Variants in LRMDA observed in about 807,000 individuals in gnomAD.
The protein encoded by LRMDA is leucine rich melanocyte differentiation associated.
In LRMDA, 18 loss-of-function variants were observed where a neutral mutation model predicts 29.8. The observed-to-expected ratio is 0.60, with a 90% CI of 0.42 to 0.90. LRMDA has a LOEUF of 0.90. Ranked by LOEUF, LRMDA falls within the 40% of genes least tolerant of loss-of-function variation. The pLI is 0.00. For synonymous variants in LRMDA, 125 were observed against 109.4 expected, an observed-to-expected ratio of 1.14 and a Z score of -0.89; for missense variants, 273 against 273.9, an observed-to-expected ratio of 1.00 and a Z score of 0.02.
intron 5 of LRMDA, among the ~76,000 whole-genome samples, chr10:76,063,284 GA>G (rs1256727230): frequency 6.6e-6 from 1 of 152,188 alleles, no homozygotes; most frequent in Non-Finnish European, 1.5e-5. Context: ...TGTCTTTGAA[GA>G]CATGTCACTT....
chr10:76,142,345 CTT>C (rs1214642522), intron 5 of LRMDA, among the ~76,000 whole-genome samples: 5 of 151,988 alleles, frequency 3.3e-5, no homozygotes, highest in Admixed American at 2.0e-4. Flanking sequence ...TAGATAATAA[CTT>C]ATGTTTTTCT....
intron 5 of LRMDA, among the ~76,000 whole-genome samples, chr10:76,061,678 G>T (rs1848703051): frequency 6.6e-6 from 1 of 152,168 alleles, no homozygotes; most frequent in South Asian, 2.1e-4. Flanking sequence ...ATGGATGAGG[G>T]AGCTGGGAGA....
chr10:75,838,205 G>A (rs1406717115), intron 2 of LRMDA, among the ~76,000 whole-genome samples: 2 of 152,062 alleles, frequency 1.3e-5, no homozygotes, highest in Admixed American at 6.6e-5. Flanking sequence ...TGGCTTTATC[G>A]AATATATAAT....
chr10:76,212,263 A>ACT (rs1476319015), intron 5 of LRMDA, among the ~76,000 whole-genome samples: 12 of 146,678 alleles, frequency 8.2e-5, no homozygotes, highest in African/African-American at 3.2e-4. Flanking sequence ...ACACACACAC[A>ACT]CACATAAAAA....
Position 76,449,117 on chromosome 10 carries a change from T to C in LRMDA, c.602-108092T>C, listed in dbSNP as rs369904049. 6.6e-5 allele frequency among the ~76,000 whole-genome samples: 10 copies of C among 151,884 alleles called. No individual in the cohort carries two copies. The East Asian group carries it at 1.7e-3, about 26-fold the overall frequency. ...GACAAATTTTAAAATGCCTCAGGGG[T>C]ATTTGAAAAGAACTTACATTTTCTT... On this transcript the variant is annotated intron_variant, in intron 6 of 6. Transcript: ENST00000611255.
At chr10:75,932,329 G>C (rs1186179115) in intron 2 of LRMDA, among the ~76,000 whole-genome samples, 6 of 152,166 alleles carry the variant, frequency 3.9e-5, no homozygotes, top group Admixed American at 3.3e-4. Context: ...GTATAATAGA[G>C]GGGATGGCTG....
At chr10:76,456,234 G>A (rs758244767) in intron 6 of LRMDA, among the ~76,000 whole-genome samples, 4 of 152,128 alleles carry the variant, frequency 2.6e-5, no homozygotes, top group Non-Finnish European at 5.9e-5. Flanking sequence ...TGTTGAGATG[G>A]TTTTCCCACT....
At chr10:75,462,890 G>A (rs1187010099) in intron 2 of LRMDA, among the ~76,000 whole-genome samples, 1 of 152,008 alleles carries the variant, frequency 6.6e-6, no homozygotes, top group Non-Finnish European at 1.5e-5. Flanking sequence ...TTTCTTTTTC[G>A]GTTATATTCC....
At chr10:76,106,853 C>T (rs1391089912) in intron 5 of LRMDA, among the ~76,000 whole-genome samples, 1 of 152,200 alleles carries the variant, frequency 6.6e-6, no homozygotes, top group African/African-American at 2.4e-5. Flanking sequence ...AGAAATACAT[C>T]ATCTCCCAGT....
chr10:75,782,297 G>A (rs1467268719), intron 2 of LRMDA, among the ~76,000 whole-genome samples: 1 of 151,910 alleles, frequency 6.6e-6, no homozygotes, highest in Non-Finnish European at 1.5e-5. Context: ...GTGTGTGGGG[G>A]TGTGTGTGTG....
At chr10:75,809,973 G>C (rs1843929013) in intron 2 of LRMDA, among the ~76,000 whole-genome samples, 1 of 152,206 alleles carries the variant, frequency 6.6e-6, no homozygotes, top group Non-Finnish European at 1.5e-5. Context: ...TCTGTGCAGG[G>C]GGCCTTGTGT....
intron 5 of LRMDA, among the ~76,000 whole-genome samples, chr10:76,285,433 TAA>T (rs10552977): frequency 0.46 from 67,888 of 149,020 alleles, 15,285 homozygotes; most frequent in South Asian, 0.59. Flanking sequence ...TGCTAAATAT[TAA>T]AAAAAAAAAA....
intron 2 of LRMDA, among the ~76,000 whole-genome samples, chr10:75,707,820 C>T (rs919396235): frequency 1.1e-4 from 16 of 152,272 alleles, no homozygotes; most frequent in Non-Finnish European, 1.8e-4. Flanking sequence ...TGGTATTTTT[C>T]CCTGTTAGAG....
At chr10:76,027,618 C>A (rs1215585902) in intron 2 of LRMDA, among the ~76,000 whole-genome samples, 1 of 152,114 alleles carries the variant, frequency 6.6e-6, no homozygotes, top group African/African-American at 2.4e-5. Flanking sequence ...ATATTAACAG[C>A]AGTTTATAAA....
intron 6 of LRMDA, among the ~76,000 whole-genome samples, chr10:76,408,549 A>G (rs1314364440): frequency 6.6e-6 from 1 of 152,160 alleles, no homozygotes; most frequent in Non-Finnish European, 1.5e-5. Flanking sequence ...TTGGTCCTTC[A>G]GGTGCCAGGG....
At chr10:76,438,283 A>G (rs1040431927) in intron 6 of LRMDA, among the ~76,000 whole-genome samples, 43 of 152,126 alleles carry the variant, frequency 2.8e-4, no homozygotes, top group African/African-American at 1.0e-3. Flanking sequence ...TGGTTGATTG[A>G]GCTTTATGAC....
intron 5 of LRMDA, among the ~76,000 whole-genome samples, chr10:76,171,057 A>G (rs1379090835): frequency 6.6e-6 from 1 of 152,222 alleles, no homozygotes; most frequent in Non-Finnish European, 1.5e-5. Context: ...ATTGCTTCCT[A>G]TGAAGAGGCA....
At chr10:75,546,375 T>C (rs1840081648) in intron 2 of LRMDA, among the ~76,000 whole-genome samples, 1 of 151,576 alleles carries the variant, frequency 6.6e-6, no homozygotes, top group Admixed American at 6.5e-5. Flanking sequence ...ATTCATAAGC[T>C]TAAAAATATG....
Position 75,831,645 on chromosome 10 carries a change from A to G in LRMDA, c.132-204363A>G, listed in dbSNP as rs544803224. On this transcript the variant is annotated intron_variant, in intron 2 of 6. Coordinates refer to ENST00000611255, the MANE Select transcript of LRMDA (RefSeq NM_001305581.2). ...AGTAGGGACTCTGTGTGGAGGCTCCAATCCCACATTTCCTGGCCACATTGC... is the reference window on the plus strand; with the variant it reads ...AGTAGGGACTCTGTGTGGAGGCTCCGATCCCACATTTCCTGGCCACATTGC... Among the ~76,000 whole-genome samples, 6 of 152,302 alleles carry G rather than the reference A, an allele frequency of 3.9e-5. No homozygotes were observed. The East Asian group carries it at 7.7e-4, about 20-fold the overall frequency.
Sources: gnomAD v4.1 joint callset for allele counts (sites outside exome capture counted in the v4.1 genomes callset) on GRCh38, gnomAD v4.1.1 for gene constraint, MANE v1.5 for transcripts, NCBI Gene and HGNC (gene_info 2026-07-23, HGNC 2026-07-21) for gene names.